The following AOAH variants were observed in gnomAD, a reference collection of about 807,000 sequenced individuals.
The protein encoded by AOAH is acyloxyacyl hydrolase, also known as acyloxyacyl hydrolase (neutrophil).
Under a neutral mutation model 92.2 loss-of-function variants are expected in AOAH, and 64 were observed. The observed-to-expected ratio is 0.69, with a 90% confidence interval of 0.57 to 0.86. AOAH has a LOEUF of 0.86. AOAH is among the 40% of genes least tolerant of loss of function. AOAH has a pLI of 0.00. For missense variants in AOAH, 656 were observed against 694.6 expected (o/e 0.94, Z 0.62); for synonymous variants, 263 against 254.5 (o/e 1.03, Z -0.32).
Position 36,652,707 on chromosome 7 carries a change from T to G in AOAH, c.390+6459A>C, listed in dbSNP as rs1794654483. 1.3e-5 allele frequency among the ~76,000 whole-genome samples: 2 copies of G among 152,224 alleles called. 1 individual carries two copies. Among genetic ancestry groups the G allele is most frequent in the South Asian group, 4.1e-4 (2 of 4,826 alleles). The stretch of plus-strand genomic sequence containing the variant: ...TGTTCTTTCCAAAAACCCCTAACAC[T>G]GTCGAACCAAGATGAAGACATCAAA... On this transcript the variant is annotated intron_variant, in intron 4 of 20. Coordinates refer to ENST00000617537, the MANE Select transcript of AOAH (RefSeq NM_001637.4).
chr7:36,530,571 G>A lies in AOAH; in HGVS notation c.1426-57C>T. 4 of 1,150,676 alleles carry A rather than the reference G, an allele frequency of 3.5e-6. No individual in the cohort carries two copies. In the South Asian group the frequency reaches 3.7e-5, roughly 11 times the overall value. The allele number at this position is 1,150,676 out of a possible 1,614,324, so 71.3% of individuals were successfully genotyped here. On this transcript the variant is annotated intron_variant, in intron 18 of 20. Transcript: ENST00000617537. ...GAAATCTAGACTTTGGCTTTAGTGA[G>A]ACAATTCAGGCAGAACAAAGAAATC... is the stretch of plus-strand genomic sequence containing the variant.
chr7:36,724,473 C>T lies in AOAH; in HGVS notation c.-325G>A, dbSNP rs1799848580. 4.4e-6 allele frequency: 1 copy of T among 226,760 alleles called. No homozygotes were observed. Among genetic ancestry groups the T allele is most frequent in the African/African-American group, 2.2e-5 (1 of 45,194 alleles). The allele number at this position is 226,760 out of a possible 1,614,324, so 14.0% of individuals were successfully genotyped here. A position where few individuals can be genotyped will look rare whatever the true frequency, so the allele number is the denominator to read the frequency against. Reference sequence around the variant, plus strand: ...AAACCCAAGTTGCACAGTGGCACAACTTCCGTGCTCCCTGGCTCAGTGAAG... The same window carrying T: ...AAACCCAAGTTGCACAGTGGCACAATTTCCGTGCTCCCTGGCTCAGTGAAG... On this transcript the variant is annotated 5_prime_UTR_variant, in exon 1 of 21. Coordinates refer to ENST00000617537, the MANE Select transcript of AOAH (RefSeq NM_001637.4).
intron 13 of AOAH, among the ~76,000 whole-genome samples, chr7:36,559,330 T>G (rs1014188880): frequency 2.6e-5 from 4 of 152,338 alleles, no homozygotes; most frequent in African/African-American, 9.6e-5. Context: ...CAAACTGCTT[T>G]CCACAGTGGC....
rs776814566 is a variant in AOAH, at chr7:36,616,449, CA to C, written c.776del (p.Leu259CysfsTer24). The C allele has an allele frequency of 3.1e-6, 5 of 1,613,992 alleles. No individual in the cohort carries two copies. The highest frequency in any genetic ancestry group is 1.3e-5 in the African/African-American group (1 of 74,934). On this transcript the variant is annotated frameshift_variant, in exon 11 of 21. Transcript: ENST00000617537. LOFTEE classifies it high-confidence loss of function. The stretch of plus-strand genomic sequence containing the variant: ...AATGAGCCCCAGCTGAGTCTCCCAG[CA>C]AAATGATTCCCCTGGGCTGTGAACC... ...CEGSQPRGII[L>X]LGDSAGAHFH...
chr7:36,624,583 C>T (rs1270258556), intron 6 of AOAH, among the ~76,000 whole-genome samples: 1 of 152,196 alleles, frequency 6.6e-6, no homozygotes, highest in Non-Finnish European at 1.5e-5. Context: ...AATATACTTA[C>T]CAGGTTCCCT....
intron 5 of AOAH, among the ~76,000 whole-genome samples, chr7:36,635,521 T>G (rs1793453295): frequency 6.6e-6 from 1 of 152,016 alleles, no homozygotes; most frequent in Non-Finnish European, 1.5e-5. Context: ...TGGTCTAGGG[T>G]GGGGTTTGGA....
intron 1 of AOAH, among the ~76,000 whole-genome samples, chr7:36,697,355 A>G (rs1797787096): frequency 6.6e-6 from 1 of 152,162 alleles, no homozygotes; most frequent in South Asian, 2.1e-4. Flanking sequence ...ATTGCTTTTC[A>G]GATGTTAAAT....
chr7:36,596,173 C>CCCA (rs1554294530), intron 11 of AOAH, among the ~76,000 whole-genome samples: 14 of 146,818 alleles, frequency 9.5e-5, no homozygotes, highest in African/African-American at 3.0e-4. Flanking sequence ...GCCCCCCCAC[C>CCCA]CCCCGTCACC....
chr7:36,563,986 C>A (rs1437738288), intron 13 of AOAH, among the ~76,000 whole-genome samples: 1 of 152,174 alleles, frequency 6.6e-6, no homozygotes, highest in African/African-American at 2.4e-5. Flanking sequence ...CTAAATGATT[C>A]TCTAAAACAT....
chr7:36,634,393 T>C (rs1368719754), intron 5 of AOAH, among the ~76,000 whole-genome samples: 1 of 152,182 alleles, frequency 6.6e-6, no homozygotes, highest in Non-Finnish European at 1.5e-5. Flanking sequence ...CCTATCCTGT[T>C]TTGTTCCAAT....
intron 6 of AOAH, among the ~76,000 whole-genome samples, chr7:36,628,576 G>T (rs748242108): frequency 1.3e-5 from 2 of 152,180 alleles, no homozygotes; most frequent in African/African-American, 4.8e-5. Context: ...ATAAGGCGGA[G>T]CAGGCACTAG....
At chr7:36,684,829 CA>C (rs1304786996) in intron 2 of AOAH, among the ~76,000 whole-genome samples, 1 of 133,930 alleles carries the variant, frequency 7.5e-6, no homozygotes, top group Non-Finnish European at 1.5e-5. Flanking sequence ...GAGGCTGAAG[CA>C]GGAGGATCTC....
chr7:36,686,761 A>G lies in AOAH; in HGVS notation c.161T>C (p.Leu54Pro). The change falls in exon 2 of 21, where the codon CTT becomes CCT. Residue 54 changes from leucine to proline, a missense_variant. Coordinates refer to ENST00000617537, the MANE Select transcript of AOAH (RefSeq NM_001637.4). ...CVLVVSVIEQ[L>P]AQVHNSTVQA... is the part of the protein sequence containing the mutation. ...GACCGTCGAGTTGTGAACTTGAGCA[A>G]GCTGTTCTATTACAGACACCACCAG... The G allele has an allele frequency of 6.3e-7, 1 of 1,580,692 alleles. No individual in the cohort carries two copies. The highest frequency in any genetic ancestry group is 1.4e-5 in the African/African-American group (1 of 73,344).
At chr7:36,694,079 T>C (rs1219928595) in intron 1 of AOAH, among the ~76,000 whole-genome samples, 1 of 152,202 alleles carries the variant, frequency 6.6e-6, no homozygotes, top group East Asian at 1.9e-4. Flanking sequence ...AAGAACTAGA[T>C]ACTACCTGAC....
chr7:36,659,784 G>A (rs1482464519), intron 3 of AOAH, among the ~76,000 whole-genome samples: 14 of 143,924 alleles, frequency 9.7e-5, no homozygotes, highest in African/African-American at 3.6e-4. Flanking sequence ...CCTGCGAGAG[G>A]TCAGAGTTTT....
intron 15 of AOAH, among the ~76,000 whole-genome samples, chr7:36,543,022 T>C (rs771610180): frequency 2.6e-5 from 4 of 152,198 alleles, no homozygotes; most frequent in African/African-American, 4.8e-5. Flanking sequence ...GTGGCAGTTA[T>C]GGTTGGTGTA....
chr7:36,675,888 A>G (rs1796225460), intron 2 of AOAH, among the ~76,000 whole-genome samples: 1 of 152,234 alleles, frequency 6.6e-6, no homozygotes, highest in South Asian at 2.1e-4. Flanking sequence ...AAAAAACCAT[A>G]TGATTATCCA....
At chr7:36,625,430 T>G (rs1792584015) in intron 6 of AOAH, among the ~76,000 whole-genome samples, 1 of 152,046 alleles carries the variant, frequency 6.6e-6, no homozygotes, top group Non-Finnish European at 1.5e-5. Context: ...CCTCACAGGG[T>G]TTATTGGGAG....
Position 36,594,428 on chromosome 7 carries a change from G to C in AOAH, c.849C>G (p.Asn283Lys), listed in dbSNP as rs769753660. The change falls in exon 12 of 21, where the codon AAC becomes AAG. Residue 283 changes from asparagine (N) to lysine (K), a missense_variant and splice_region_variant. By Grantham distance (94) the Asn-to-Lys change is moderately conservative. Coordinates refer to ENST00000617537, the MANE Select transcript of AOAH (RefSeq NM_001637.4). ...EWITASQMSL[N>K]SFINLPTALT... ...GGGCTGTTGGTAGATTGATGAAAGA[G>C]TTCTAAGGAAAACAATAAAGTAGCA... 31 of 1,612,190 alleles carry C rather than the reference G, an allele frequency of 1.9e-5. No individual in the cohort carries two copies. Among genetic ancestry groups the C allele is most frequent in the Non-Finnish European group, 2.5e-5 (29 of 1,178,368 alleles).
Sources: allele counts gnomAD v4.1 joint callset (sites outside exome capture counted in the v4.1 genomes callset), GRCh38; gene constraint gnomAD v4.1.1; transcripts MANE v1.5; gene names NCBI Gene and HGNC (gene_info 2026-07-23, HGNC 2026-07-21).